CNTN6: variants seen among roughly 807,000 people sequenced by gnomAD.
The protein encoded by CNTN6 is contactin-6.
In CNTN6, 137 loss-of-function variants were observed where a neutral mutation model predicts 122.8. The ratio of observed to expected loss-of-function variants is 1.12; its 90% CI spans 0.97 to 1.29. CNTN6 has a LOEUF of 1.29. Among genes scored for constraint, CNTN6 ranks in the 50% most tolerant of loss-of-function variants. The pLI, the probability that CNTN6 is intolerant of heterozygous loss-of-function variation, is 0.00. For synonymous variants in CNTN6, 570 were observed against 426.0 expected (o/e 1.34, Z -4.16); for missense variants, 1,634 against 1,223.4 (o/e 1.34, Z -5.01).
intron 3 of CNTN6, among the ~76,000 whole-genome samples, chr3:1,224,503 T>C (rs900859842): frequency 6.6e-6 from 1 of 152,156 alleles, no homozygotes; most frequent in Non-Finnish European, 1.5e-5. Flanking sequence ...ACAAAATGCA[T>C]ACATGTATGA....
chr3:1,150,774 G>A (rs35195986), intron 2 of CNTN6, among the ~76,000 whole-genome samples: 26,993 of 152,094 alleles, frequency 0.18, 2,741 homozygotes, highest in African/African-American at 0.27. Flanking sequence ...ACAGTAAAGT[G>A]GATTTTGCAG....
intron 11 of CNTN6, among the ~76,000 whole-genome samples, chr3:1,334,376 A>AT (rs11332039): frequency 2.0e-3 from 298 of 147,040 alleles, no homozygotes; most frequent in Non-Finnish European, 2.6e-3. Context: ...TCCTCTTTTT[A>AT]TTTTTTTTTT....
intron 5 of CNTN6, among the ~76,000 whole-genome samples, chr3:1,294,592 A>G (rs73816280): frequency 0.077 from 11,753 of 152,210 alleles, 1,536 homozygotes; most frequent in African/African-American, 0.27. Flanking sequence ...TTATACAGTT[A>G]CCCACAAGAT....
intron 20 of CNTN6, among the ~76,000 whole-genome samples, chr3:1,387,839 T>C (rs1042348969): frequency 3.3e-5 from 5 of 151,846 alleles, no homozygotes; most frequent in South Asian, 2.1e-4. Flanking sequence ...CACCCGAATA[T>C]TGCGCTTTTC....
intron 11 of CNTN6, among the ~76,000 whole-genome samples, chr3:1,330,476 A>G (rs1344071234): frequency 6.6e-6 from 1 of 151,908 alleles, no homozygotes; most frequent in Non-Finnish European, 1.5e-5. Context: ...CTTTGACAAA[A>G]GAAAACAAAC....
intron 20 of CNTN6, among the ~76,000 whole-genome samples, chr3:1,387,925 T>G (rs1047027777): frequency 1.7e-4 from 26 of 152,016 alleles, no homozygotes; most frequent in Admixed American, 6.6e-5. Flanking sequence ...CCACGGAATC[T>G]CGCTGATTGC....
At chr3:1,363,767 A>G (rs745915905) in intron 12 of CNTN6, among the ~76,000 whole-genome samples, 3 of 151,782 alleles carry the variant, frequency 2.0e-5, no homozygotes, top group Non-Finnish European at 4.4e-5. Context: ...TTTTCTTTGG[A>G]TATATATCCA....
Position 1,383,000 on chromosome 3 carries a change from C to A in CNTN6, c.2225C>A (p.Pro742Gln). 1 of 1,614,078 alleles carries A rather than the reference C, an allele frequency of 6.2e-7. No individual in the cohort carries two copies. The highest frequency in any genetic ancestry group is 8.5e-7 in the Non-Finnish European group (1 of 1,179,954). Residue 742 changes from proline to glutamine, a missense_variant, in exon 18 of 23, where the codon CCA becomes CAA. Transcript: ENST00000446702. The stretch of plus-strand genomic sequence containing the variant: ...TTTGGATATATCATCATGTTCCGGC[C>A]AGTGGGCTCGACAACCTGGTCCAAG... Reference protein sequence around the residue: ...EGFGYIIMFRPVGSTTWSKEK... With the variant: ...EGFGYIIMFRQVGSTTWSKEK...
At chr3:1,128,638 G>C (rs74633403) in intron 1 of CNTN6, among the ~76,000 whole-genome samples, 2,554 of 152,068 alleles carry the variant, frequency 0.017, 77 homozygotes, top group African/African-American at 0.059. Context: ...GAACATAGCT[G>C]TGCTGGTTTT....
rs184115774 is a variant in CNTN6 at position 1,153,125 on chromosome 3, A to G, written c.55+5062A>G. ...TTTGCCATGGGTTAAGGACTTTTAT[A>G]TGTATTTTATGAAATTACGGACTGA... On this transcript the variant is annotated intron_variant, in intron 2 of 22. Transcript: ENST00000446702. Among the ~76,000 whole-genome samples, 129 of 152,300 alleles carry G rather than the reference A, an allele frequency of 8.5e-4. 1 individual carries two copies. Among genetic ancestry groups the G allele is most frequent in the Middle Eastern group, 6.8e-3 (2 of 294 alleles).
chr3:1,293,384 A>G (rs1695661734), intron 5 of CNTN6, among the ~76,000 whole-genome samples: 2 of 151,118 alleles, frequency 1.3e-5, no homozygotes, highest in African/African-American at 4.9e-5. Flanking sequence ...CATTTTCAAG[A>G]GTTTGTCTCT....
chr3:1,377,088 C>G lies in CNTN6; in HGVS notation c.2166+13C>G. 6.4e-7 allele frequency: 1 copy of G among 1,564,754 alleles called. No homozygotes were observed. The highest frequency in any genetic ancestry group is 8.7e-7 in the Non-Finnish European group (1 of 1,146,908). On this transcript the variant is annotated intron_variant, in intron 17 of 22. Transcript: ENST00000446702. ...CATTACGTGGGAGGTAATTTTCTGT[C>G]CAACTGAGTTATTTTGAAGAAAAGA... is the stretch of plus-strand genomic sequence containing the variant.
At chr3:1,396,007 A>T (rs2126245142) in intron 20 of CNTN6, among the ~76,000 whole-genome samples, 1 of 152,172 alleles carries the variant, frequency 6.6e-6, no homozygotes, top group South Asian at 2.1e-4. Flanking sequence ...TCTCTCCCTG[A>T]CTGTCAAATC....
At chr3:1,250,236 T>C (rs555620470) in intron 4 of CNTN6, among the ~76,000 whole-genome samples, 4 of 152,280 alleles carry the variant, frequency 2.6e-5, no homozygotes, top group African/African-American at 9.6e-5. Context: ...TAAACCTCGG[T>C]CTAATGGACA....
At chr3:1,315,127 C>G (rs1342289324) in intron 7 of CNTN6, among the ~76,000 whole-genome samples, 1 of 151,976 alleles carries the variant, frequency 6.6e-6, no homozygotes, top group Non-Finnish European at 1.5e-5. Context: ...ACATCAGTTT[C>G]AAGAGATTTA....
At chr3:1,246,899 T>C (rs79289422) in intron 4 of CNTN6, among the ~76,000 whole-genome samples, 8,934 of 152,236 alleles carry the variant, frequency 0.059, 345 homozygotes, top group East Asian at 0.15. Flanking sequence ...TTTTCATTAG[T>C]GATTGATTCT....
intron 4 of CNTN6, among the ~76,000 whole-genome samples, chr3:1,262,803 T>G (rs531124516): frequency 2.6e-5 from 4 of 152,080 alleles, no homozygotes; most frequent in African/African-American, 9.6e-5. Context: ...ATATATGTAA[T>G]AATAATAAAT....
intron 16 of CNTN6, among the ~76,000 whole-genome samples, chr3:1,374,302 G>C (rs1051154591): frequency 1.3e-5 from 2 of 152,002 alleles, no homozygotes; most frequent in African/African-American, 4.8e-5. Context: ...GTCAAAATCA[G>C]AGTTCTTAGG....
At chr3:1,329,113 ATATG>A (rs2125996401) in intron 10 of CNTN6, among the ~76,000 whole-genome samples, 1 of 151,458 alleles carries the variant, frequency 6.6e-6, no homozygotes, top group African/African-American at 2.4e-5. Flanking sequence ...GTATATATGT[ATATG>A]TGTGTGTGTT....
Sources: gnomAD v4.1 joint callset for allele counts (sites outside exome capture counted in the v4.1 genomes callset) on GRCh38, gnomAD v4.1.1 for gene constraint, MANE v1.5 for transcripts, NCBI Gene and HGNC (gene_info 2026-07-23, HGNC 2026-07-21) for gene names.